The following MAP2K4 variants were observed in gnomAD, a reference collection of about 807,000 sequenced individuals.
MAP2K4 encodes mitogen-activated protein kinase kinase 4, also known as dual specificity mitogen-activated protein kinase kinase 4.
Under a neutral mutation model 48.5 loss-of-function variants are expected in MAP2K4, and 4 were observed. The ratio of observed to expected loss-of-function variants is 0.08; its 90% CI spans 0.04 to 0.19. MAP2K4 has a LOEUF of 0.19. Among genes scored for constraint, MAP2K4 ranks in the 10% least tolerant of loss-of-function variants. The pLI, the probability that MAP2K4 is intolerant of heterozygous loss-of-function variation, is 1.00. For synonymous variants in MAP2K4, 166 were observed against 173.1 expected (o/e 0.96, Z 0.32); for missense variants, 258 against 493.3 (o/e 0.52, Z 4.52).
intron 4 of MAP2K4, among the ~76,000 whole-genome samples, chr17:12,096,824 G>C (rs1436696092): frequency 6.6e-6 from 1 of 152,072 alleles, no homozygotes; most frequent in Non-Finnish European, 1.5e-5. Flanking sequence ...GTTTTTCTGG[G>C]CTCTTACTAG....
chr17:12,037,641 G>A (rs1410745148), intron 1 of MAP2K4, among the ~76,000 whole-genome samples: 4 of 144,466 alleles, frequency 2.8e-5, no homozygotes, highest in African/African-American at 1.0e-4. Flanking sequence ...TATATATATA[G>A]TTAATGAAGT....
intron 7 of MAP2K4, among the ~76,000 whole-genome samples, chr17:12,121,785 G>A (rs924764667): frequency 6.6e-6 from 1 of 152,084 alleles, no homozygotes; most frequent in Non-Finnish European, 1.5e-5. Context: ...TCATGTATGA[G>A]GAGTGTTTTT....
At chr17:12,097,551 G>A (rs1184954544) in intron 4 of MAP2K4, among the ~76,000 whole-genome samples, 1 of 152,210 alleles carries the variant, frequency 6.6e-6, no homozygotes, top group African/African-American at 2.4e-5. Context: ...TGTTATCATG[G>A]ATAGCTGAGT....
intron 1 of MAP2K4, among the ~76,000 whole-genome samples, chr17:12,026,271 A>T (rs1444048293): frequency 6.6e-6 from 1 of 151,908 alleles, no homozygotes; most frequent in Admixed American, 6.6e-5. Context: ...TTTTTCGTAA[A>T]TTTTTCTTCT....
chr17:12,028,381 T>G (rs1321203640), intron 1 of MAP2K4, among the ~76,000 whole-genome samples: 1 of 152,176 alleles, frequency 6.6e-6, no homozygotes, highest in African/African-American at 2.4e-5. Flanking sequence ...TCCCTTTTGA[T>G]AGTTTCAGAA....
rs940014479 is a variant in MAP2K4, at chr17:12,020,986, G to T, written c.100G>T (p.Val34Phe). 7.1e-5 allele frequency: 86 copies of T among 1,209,872 alleles called. No homozygotes were observed. The highest frequency in any genetic ancestry group is 8.6e-5 in the Non-Finnish European group (84 of 973,800). The allele number at this position is 1,209,872 out of a possible 1,614,324, so 74.9% of individuals were successfully genotyped here. A position where few individuals can be genotyped will look rare whatever the true frequency, so the allele number is the denominator to read the frequency against. ...VGSPAPGHPAVSSMQGKRKAL... is the reference protein window; with the variant it reads ...VGSPAPGHPAFSSMQGKRKAL... ...GTCCCCGGCGCCAGGCCACCCGGCCGTCAGCAGCATGCAGGGTAAGGAACG... is the reference window on the plus strand; with the variant it reads ...GTCCCCGGCGCCAGGCCACCCGGCCTTCAGCAGCATGCAGGGTAAGGAACG... The change falls in exon 1 of 11, where the codon GTC becomes TTC. Residue 34 changes from valine (V) to phenylalanine (F), a missense_variant. By Grantham distance (50) the Val-to-Phe change is conservative. This residue lies in a region of MAP2K4 where 69 missense variants were observed against 56.2 expected (regional missense o/e 1.23). Coordinates refer to ENST00000353533, the MANE Select transcript of MAP2K4 (RefSeq NM_003010.4).
chr17:12,111,812 A>C (rs959528502), intron 6 of MAP2K4, among the ~76,000 whole-genome samples: 1 of 151,628 alleles, frequency 6.6e-6, no homozygotes, highest in Non-Finnish European at 1.5e-5. Flanking sequence ...ATTAGTCCAA[A>C]GATGGGGTGG....
At chr17:12,050,060 C>A (rs913355606) in intron 1 of MAP2K4, among the ~76,000 whole-genome samples, 1 of 152,100 alleles carries the variant, frequency 6.6e-6, no homozygotes, top group Non-Finnish European at 1.5e-5. Flanking sequence ...TGAAGATATG[C>A]AGATTGGCTA....
intron 8 of MAP2K4, among the ~76,000 whole-genome samples, chr17:12,128,238 C>T (rs1356425436): frequency 9.9e-5 from 15 of 152,150 alleles, no homozygotes; most frequent in Admixed American, 7.9e-4. Context: ...CCACCACGCC[C>T]GGCTAATTTT....
chr17:12,134,634 C>G (rs1431926571), intron 9 of MAP2K4, among the ~76,000 whole-genome samples: 1 of 152,204 alleles, frequency 6.6e-6, no homozygotes, highest in Non-Finnish European at 1.5e-5. Context: ...AAGAATAACT[C>G]AAGTTCTTAG....
At chr17:12,021,023 A>T in intron 1 of MAP2K4, 22 bp downstream of exon 1, 1 of 1,187,374 alleles carries the variant, frequency 8.4e-7, no homozygotes, top group Non-Finnish European at 1.0e-6. Flanking sequence ...GGCCGCGCCG[A>T]GATCCCAGCC....
intron 9 of MAP2K4, among the ~76,000 whole-genome samples, chr17:12,133,673 G>A (rs1355995537): frequency 6.6e-6 from 1 of 152,134 alleles, no homozygotes; most frequent in African/African-American, 2.4e-5. Context: ...TTATTCTTGA[G>A]GAATTTTTGT....
chr17:12,065,324 A>T (rs1970582220), intron 2 of MAP2K4, among the ~76,000 whole-genome samples: 1 of 140,020 alleles, frequency 7.1e-6, no homozygotes. Flanking sequence ...TTTGAGACAG[A>T]GTCTTGCTCT....
At chr17:12,083,816 T>C (rs565705470) in intron 3 of MAP2K4, among the ~76,000 whole-genome samples, 34 of 152,196 alleles carry the variant, frequency 2.2e-4, no homozygotes, top group Non-Finnish European at 3.2e-4. Context: ...GGCACAAATA[T>C]ACAGAATCAA....
intron 7 of MAP2K4, among the ~76,000 whole-genome samples, chr17:12,119,130 G>A (rs1416224718): frequency 6.6e-6 from 1 of 152,160 alleles, no homozygotes; most frequent in African/African-American, 2.4e-5. Flanking sequence ...TGAGGATGAT[G>A]TTAACAACGA....
chr17:12,050,782 C>A (rs1036334763), intron 1 of MAP2K4, among the ~76,000 whole-genome samples: 1 of 152,164 alleles, frequency 6.6e-6, no homozygotes, highest in East Asian at 1.9e-4. Context: ...AAGGTGTCTT[C>A]CCTCCAACTT....
intron 1 of MAP2K4, among the ~76,000 whole-genome samples, chr17:12,035,630 C>T (rs1463309517): frequency 1.3e-5 from 2 of 152,166 alleles, no homozygotes; most frequent in African/African-American, 4.8e-5. Flanking sequence ...CTAGAATCTC[C>T]ACTTTTATTC....
At chr17:12,117,550 A>G (rs926468433) in intron 7 of MAP2K4, among the ~76,000 whole-genome samples, 3 of 152,154 alleles carry the variant, frequency 2.0e-5, no homozygotes, top group African/African-American at 7.2e-5. Flanking sequence ...GACAGGTTCC[A>G]CACTATACCT....
intron 1 of MAP2K4, among the ~76,000 whole-genome samples, chr17:12,029,223 G>A (rs547565328): frequency 1.2e-4 from 18 of 152,174 alleles, no homozygotes; most frequent in Admixed American, 5.9e-4. Context: ...TACGTAGAGA[G>A]AAAAAGGAGG....
Sources: gnomAD v4.1 joint callset for allele counts (sites outside exome capture counted in the v4.1 genomes callset) on GRCh38, gnomAD v4.1.1 for gene constraint, gnomAD v4.1.1 regional missense constraint, MANE v1.5 for transcripts, NCBI Gene and HGNC (gene_info 2026-07-23, HGNC 2026-07-21) for gene names.